The following LAMC3 variants were observed in gnomAD, a reference collection of about 807,000 sequenced individuals.
LAMC3 encodes the protein laminin subunit gamma 3.
In LAMC3, 128 loss-of-function variants were observed where a neutral mutation model predicts 173.8. The observed-to-expected ratio is 0.74, with a 90% CI of 0.64 to 0.85. The LOEUF (loss-of-function observed/expected upper bound fraction) is 0.85. Among genes scored for constraint, LAMC3 ranks in the 40% least tolerant of loss-of-function variants. The probability of loss-of-function intolerance (pLI) is 0.00; values close to 1 mark genes in which losing one functional copy is unlikely to be tolerated. For missense variants in LAMC3, 2,022 were observed against 2,156.0 expected (o/e 0.94, Z 1.23); for synonymous variants, 897 against 909.1 (o/e 0.99, Z 0.24).
At chr9:131,076,548 C>T (rs1422764064) in intron 21 of LAMC3, among the ~76,000 whole-genome samples, 3 of 152,164 alleles carry the variant, frequency 2.0e-5, no homozygotes, top group African/African-American at 7.2e-5. Context: ...CATGACCCAC[C>T]CCAGGGGCAG....
rs917768153 is a variant in LAMC3, at chr9:131,056,916, T to C, written c.1940-13T>C. On this transcript the variant is annotated splice_polypyrimidine_tract_variant and intron_variant, in intron 11 of 27. Transcript: ENST00000361069. ...GTGCCTCCTCTCTTCCTCTCTCCCT[T>C]CTCGCTCTGCAGGTCCAGTGTTCCT... The C allele has an allele frequency of 6.2e-7, 1 of 1,608,054 alleles. No individual in the cohort carries two copies. The highest frequency in any genetic ancestry group is 8.5e-7 in the Non-Finnish European group (1 of 1,178,054).
At chr9:131,086,395 GT>G (rs112612783) in intron 25 of LAMC3, among the ~76,000 whole-genome samples, 93,983 of 131,506 alleles carry the variant, frequency 0.71, 30,592 homozygotes, top group African/African-American at 0.74. Flanking sequence ...TTTTGGTTTT[GT>G]TTTTTTTTTT....
chr9:131,042,891 C>T (rs1834080940), intron 7 of LAMC3, among the ~76,000 whole-genome samples: 1 of 151,818 alleles, frequency 6.6e-6, no homozygotes, highest in Admixed American at 6.6e-5. Context: ...CTTTCATACC[C>T]ACAGCAGACA....
At chr9:131,020,350 G>T (rs921604780) in intron 1 of LAMC3, among the ~76,000 whole-genome samples, 1 of 152,154 alleles carries the variant, frequency 6.6e-6, no homozygotes, top group African/African-American at 2.4e-5. Context: ...AGGAGCTGGG[G>T]ACTCCCCATG....
intron 3 of LAMC3, 92 bp downstream of exon 3, chr9:131,032,267 A>G (rs1338403903): frequency 2.9e-6 from 2 of 681,752 alleles, no homozygotes; most frequent in South Asian, 1.4e-5. Context: ...GTGGGGGGGC[A>G]CAGAAGCCAG....
rs944688211 is a variant in LAMC3, at chr9:131,092,497, G to A, written c.*710G>A. On this transcript the variant is annotated 3_prime_UTR_variant, in exon 28 of 28. Transcript: ENST00000361069. ...AGGCCGTGGCCAGGCCTGCTAGTCTGGCTAGAGCAAGGCCCATTCCTGGCG... is the reference window on the plus strand; with the variant it reads ...AGGCCGTGGCCAGGCCTGCTAGTCTAGCTAGAGCAAGGCCCATTCCTGGCG... 5.2e-5 allele frequency: 8 copies of A among 153,116 alleles called. No homozygotes were observed. Among genetic ancestry groups the A allele is most frequent in the African/African-American group, 1.9e-4 (8 of 41,460 alleles). 9.5% of individuals were successfully genotyped at this position (153,116 alleles called of 1,614,324 possible). A position where few individuals can be genotyped will look rare whatever the true frequency, so the allele number is the denominator to read the frequency against.
At position 131,034,076 on chromosome 9, in the gene LAMC3, G is replaced by A. The variant is rs116797578; in HGVS notation, c.809+1901G>A. Among the ~76,000 whole-genome samples, 307 of 152,282 alleles carry A rather than the reference G, an allele frequency of 2.0e-3. 1 individual carries two copies. The highest frequency in any genetic ancestry group is 6.7e-3 in the African/African-American group (280 of 41,560). ...CCAGTGCCTCCTGTCAGGGGGCTTC[G>A]GGCCAGAGGACATCTGGGTTCCAGC... On this transcript the variant is annotated intron_variant, in intron 3 of 27. Coordinates refer to ENST00000361069, the MANE Select transcript of LAMC3 (RefSeq NM_006059.4).
At chr9:131,091,419 A>G in intron 27 of LAMC3, 118 bp from the exon 28 acceptor site, 3 of 1,349,936 alleles carry the variant, frequency 2.2e-6, no homozygotes, top group Non-Finnish European at 3.1e-6. Context: ...TCCCTGGTGG[A>G]TGGTGGGCCA....
chr9:131,027,898 G>A lies in LAMC3; in HGVS notation c.678+1309G>A, dbSNP rs561608034. On this transcript the variant is annotated intron_variant, in intron 2 of 27. Coordinates refer to ENST00000361069, the MANE Select transcript of LAMC3 (RefSeq NM_006059.4). Reference sequence around the variant, plus strand: ...CCCACGTAGGTCCACCCAGGTGTGCGGACCTGCCGGGATCGGCACCTATCT... The same window carrying A: ...CCCACGTAGGTCCACCCAGGTGTGCAGACCTGCCGGGATCGGCACCTATCT... Among the ~76,000 whole-genome samples, 8 of 152,338 alleles carry A rather than the reference G, an allele frequency of 5.3e-5. No homozygotes were observed. In the South Asian group the frequency reaches 1.2e-3, roughly 24 times the overall value.
At chr9:131,091,474 G>A (rs2133357824) in intron 27 of LAMC3, 63 bp from the exon 28 acceptor site, 1 of 1,549,090 alleles carries the variant, frequency 6.5e-7, no homozygotes, top group South Asian at 1.2e-5. Context: ...TCAGGGGCTG[G>A]GAGGTGCCCT....
At chr9:131,057,591 A>G (rs1829713509) in intron 12 of LAMC3, among the ~76,000 whole-genome samples, 1 of 152,228 alleles carries the variant, frequency 6.6e-6, no homozygotes, top group Non-Finnish European at 1.5e-5. Flanking sequence ...AGCAGCTCAT[A>G]GGCACCAACC....
intron 11 of LAMC3, among the ~76,000 whole-genome samples, chr9:131,054,637 C>T (rs1300285313): frequency 2.0e-5 from 3 of 151,956 alleles, no homozygotes; most frequent in Non-Finnish European, 4.4e-5. Flanking sequence ...GCCTGTAATC[C>T]CAGCTACTCG....
chr9:131,090,836 GGCCAACGTGGTGAA>G (rs1764434790), intron 27 of LAMC3, among the ~76,000 whole-genome samples: 4 of 151,416 alleles, frequency 2.6e-5, no homozygotes, highest in African/African-American at 9.7e-5. Context: ...AGACCAGCCT[GGCCAACGTGGTGAA>G]ACCCTGTCTC....
intron 1 of LAMC3, among the ~76,000 whole-genome samples, chr9:131,016,592 G>T (rs986790636): frequency 5.9e-5 from 9 of 152,142 alleles, no homozygotes. Flanking sequence ...GGGAAAAATG[G>T]GAACCATAAG....
In LAMC3 at chr9:131,047,165, C is replaced by CT. The variant is rs398012456; in HGVS notation, c.1519+1522dup. On this transcript the variant is annotated intron_variant, in intron 8 of 27. Coordinates refer to ENST00000361069, the MANE Select transcript of LAMC3 (RefSeq NM_006059.4). ...AAAACTTTTTGGTCTCTGAATTCCT[C>CT]TTTTTTTTTTTTTTTTTAAGACGGA... Among the ~76,000 whole-genome samples, 536 of 102,174 alleles carry CT rather than the reference C, an allele frequency of 5.2e-3. 35 individuals are homozygous for CT. The highest frequency in any genetic ancestry group is 0.025 in the Admixed American group (222 of 8,876). 67.0% of individuals were successfully genotyped at this position (102,174 alleles called of 152,430 possible). A position where few individuals can be genotyped will look rare whatever the true frequency, so the allele number is the denominator to read the frequency against.
intron 21 of LAMC3, 113 bp from the exon 22 acceptor site, chr9:131,077,066 GGCTATTCT>G (rs1830141124): frequency 7.6e-6 from 10 of 1,323,952 alleles, no homozygotes; most frequent in Non-Finnish European, 1.1e-5. Flanking sequence ...CCCCGCAGAG[GGCTATTCT>G]GCCTGGGAAG....
At chr9:131,082,448 A>G (rs1234728732) in intron 24 of LAMC3, among the ~76,000 whole-genome samples, 1 of 152,162 alleles carries the variant, frequency 6.6e-6, no homozygotes, top group African/African-American at 2.4e-5. Context: ...TGGCTGTTCA[A>G]CCAGGTCAAG....
rs1325914571 is a variant in LAMC3 at position 131,041,753 on chromosome 9, G to T, written c.1382+18G>T. The T allele has an allele frequency of 6.2e-7, 1 of 1,607,780 alleles. No individual in the cohort carries two copies. Among genetic ancestry groups the T allele is most frequent in the Admixed American group, 1.7e-5 (1 of 59,840 alleles). ...TGTGACAGGTTTGTGAGCTAATCCA[G>T]CAGTAAGCTTGCTGGAAGTGACCTG... is the stretch of plus-strand genomic sequence containing the variant. On this transcript the variant is annotated intron_variant, in intron 7 of 27. Transcript: ENST00000361069.
rs1019616051 is a variant in LAMC3 at position 131,091,909 on chromosome 9, CCCCGTGTGGATAGTCACT to C, written c.*126_*143del. On this transcript the variant is annotated 3_prime_UTR_variant, in exon 28 of 28. Coordinates refer to ENST00000361069, the MANE Select transcript of LAMC3 (RefSeq NM_006059.4). ...CCGGAGCCGGCTGCTGTGAACTCGC[CCCCGTGTGGATAGTCACT>C]CCCTGCCGATTCTGTCTGTGGCTTC... The C allele has an allele frequency of 8.9e-7, 1 of 1,120,230 alleles. No homozygotes were observed. The highest frequency in any genetic ancestry group is 1.7e-5 in the African/African-American group (1 of 60,424). The allele number at this position is 1,120,230 out of a possible 1,614,324, so 69.4% of individuals were successfully genotyped here. A position where few individuals can be genotyped will look rare whatever the true frequency, so the allele number is the denominator to read the frequency against.
Sources: allele counts gnomAD v4.1 joint callset (sites outside exome capture counted in the v4.1 genomes callset), GRCh38; gene constraint gnomAD v4.1.1; transcripts MANE v1.5; gene names NCBI Gene and HGNC (gene_info 2026-07-23, HGNC 2026-07-21).